Variants in KLHL1 observed in about 807,000 individuals in gnomAD.
The protein encoded by KLHL1 is kelch like family member 1, also known as kelch-like protein 1.
In KLHL1, 47 loss-of-function variants were observed where a neutral mutation model predicts 77.7. That is an observed-to-expected ratio of 0.60 (90% CI 0.48 to 0.77). The LOEUF (loss-of-function observed/expected upper bound fraction) is 0.77, where lower values mean the gene tolerates loss of function less well. Among genes scored for constraint, KLHL1 ranks in the 30% least tolerant of loss-of-function variants. KLHL1 has a pLI of 0.00. For synonymous variants in KLHL1, 360 were observed against 325.2 expected (o/e 1.11, Z -1.15); for missense variants, 925 against 910.8 (o/e 1.02, Z -0.20).
Position 69,701,086 on chromosome 13 carries a change from G to T in KLHL1, c.*616C>A, listed in dbSNP as rs1173475382. 1 of 152,298 alleles carries T rather than the reference G, an allele frequency of 6.6e-6. No homozygotes were observed. The highest frequency in any genetic ancestry group is 2.4e-5 in the African/African-American group (1 of 41,428). The allele number at this position is 152,298 out of a possible 1,614,324, so 9.4% of individuals were successfully genotyped here. A position where few individuals can be genotyped will look rare whatever the true frequency, so the allele number is the denominator to read the frequency against. On this transcript the variant is annotated 3_prime_UTR_variant, in exon 11 of 11. Transcript: ENST00000377844. ...ATAAAATTCAACCATTATCTCTGAT[G>T]AGATATGCAGCTTTGATTAGTAGGA...
chr13:70,045,428 A>T (rs1023436354), intron 1 of KLHL1, among the ~76,000 whole-genome samples: 1 of 152,106 alleles, frequency 6.6e-6, no homozygotes, highest in Non-Finnish European at 1.5e-5. Flanking sequence ...TTATTTCCAC[A>T]TTTATGGAAA....
At chr13:70,004,902 T>G (rs1458611469) in intron 1 of KLHL1, among the ~76,000 whole-genome samples, 1 of 151,412 alleles carries the variant, frequency 6.6e-6, no homozygotes, top group East Asian at 1.9e-4. Flanking sequence ...ATTTTAATAT[T>G]TTGTAGAAAA....
At chr13:69,904,684 A>C (rs1881989929) in intron 4 of KLHL1, among the ~76,000 whole-genome samples, 1 of 152,210 alleles carries the variant, frequency 6.6e-6, no homozygotes. Flanking sequence ...TTAAGTAAAT[A>C]ATACAACTTT....
chr13:69,884,895 T>A (rs997455934), intron 4 of KLHL1, among the ~76,000 whole-genome samples: 3 of 151,644 alleles, frequency 2.0e-5, no homozygotes, highest in African/African-American at 7.3e-5. Flanking sequence ...CAGACAGCTC[T>A]GATAATAGTT....
intron 1 of KLHL1, among the ~76,000 whole-genome samples, chr13:70,043,260 A>T (rs1162038146): frequency 6.6e-6 from 1 of 152,152 alleles, no homozygotes; most frequent in African/African-American, 2.4e-5. Context: ...AAAAATAAAA[A>T]TGAGAAAAGT....
At chr13:69,797,897 A>G (rs905591200) in intron 6 of KLHL1, among the ~76,000 whole-genome samples, 1 of 152,090 alleles carries the variant, frequency 6.6e-6, no homozygotes, top group African/African-American at 2.4e-5. Flanking sequence ...ATCCTGAACA[A>G]TCATGTTAGA....
intron 9 of KLHL1, among the ~76,000 whole-genome samples, chr13:69,713,706 AT>A (rs143419445): frequency 0.086 from 12,996 of 151,394 alleles, 734 homozygotes; most frequent in African/African-American, 0.16. Flanking sequence ...AAATGAGAAT[AT>A]TTTTTTTTCA....
chr13:69,811,575 A>G (rs1458585345), intron 6 of KLHL1, among the ~76,000 whole-genome samples: 2 of 152,160 alleles, frequency 1.3e-5, no homozygotes, highest in Non-Finnish European at 2.9e-5. Flanking sequence ...GAACAAGACA[A>G]GGATGTTCAC....
At chr13:69,816,417 C>T (rs998249615) in intron 6 of KLHL1, among the ~76,000 whole-genome samples, 7 of 151,392 alleles carry the variant, frequency 4.6e-5, no homozygotes, top group African/African-American at 1.5e-4. Flanking sequence ...TGTGCCGCCA[C>T]GCCTGGCTAA....
intron 4 of KLHL1, among the ~76,000 whole-genome samples, chr13:69,926,631 A>T (rs982279078): frequency 7.9e-5 from 12 of 152,126 alleles, no homozygotes; most frequent in African/African-American, 2.9e-4. Context: ...AACCAAAAAT[A>T]GTCAAAATAT....
At chr13:69,759,995 GC>G (rs1874944102) in intron 7 of KLHL1, among the ~76,000 whole-genome samples, 1 of 152,042 alleles carries the variant, frequency 6.6e-6, no homozygotes, top group Non-Finnish European at 1.5e-5. Flanking sequence ...GTGTACATAG[GC>G]AAAAAGACAC....
chr13:70,021,412 C>T (rs1885790385), intron 1 of KLHL1, among the ~76,000 whole-genome samples: 1 of 152,038 alleles, frequency 6.6e-6, no homozygotes, highest in African/African-American at 2.4e-5. Context: ...CATTCACATA[C>T]TGAAGGGCAT....
chr13:69,809,828 C>G (rs1215590511), intron 6 of KLHL1, among the ~76,000 whole-genome samples: 2 of 150,974 alleles, frequency 1.3e-5, no homozygotes, highest in African/African-American at 2.4e-5. Context: ...GTAATGAGAG[C>G]CATAGGTTCA....
chr13:70,051,149 A>C lies in KLHL1; in HGVS notation c.497+56054T>G, dbSNP rs75635812. The stretch of plus-strand genomic sequence containing the variant: ...AGATTACTCTACAAAATATTCATTA[A>C]GAAATGTTTTCACACAAAATTTGGA... On this transcript the variant is annotated intron_variant, in intron 1 of 10. Coordinates refer to ENST00000377844, the MANE Select transcript of KLHL1 (RefSeq NM_020866.3). 6.8e-3 allele frequency among the ~76,000 whole-genome samples: 1,035 copies of C among 152,144 alleles called. 11 individuals carry two copies. Among genetic ancestry groups the C allele is most frequent in the Middle Eastern group, 0.027 (8 of 294 alleles).
intron 1 of KLHL1, among the ~76,000 whole-genome samples, chr13:70,060,435 A>T (rs1220978990): frequency 6.6e-6 from 1 of 152,140 alleles, no homozygotes; most frequent in Non-Finnish European, 1.5e-5. Context: ...AAAGGAAGAA[A>T]ATCAATATTT....
At chr13:70,058,302 GATA>G (rs1886797043) in intron 1 of KLHL1, among the ~76,000 whole-genome samples, 1 of 152,052 alleles carries the variant, frequency 6.6e-6, no homozygotes, top group Non-Finnish European at 1.5e-5. Context: ...CTTGTTTGCA[GATA>G]ATATGATTTT....
chr13:69,823,914 G>T (rs1878442303), intron 6 of KLHL1, among the ~76,000 whole-genome samples: 1 of 151,738 alleles, frequency 6.6e-6, no homozygotes. Flanking sequence ...TTATCCATTT[G>T]GGTATTTATT....
chr13:70,035,762 T>C (rs1456049454), intron 1 of KLHL1, among the ~76,000 whole-genome samples: 3 of 151,982 alleles, frequency 2.0e-5, no homozygotes, highest in Non-Finnish European at 4.4e-5. Context: ...CTTTTCATTT[T>C]GAGAGAATCA....
intron 6 of KLHL1, among the ~76,000 whole-genome samples, chr13:69,811,325 T>C (rs1407043875): frequency 6.6e-6 from 1 of 151,970 alleles, no homozygotes; most frequent in Non-Finnish European, 1.5e-5. Context: ...ATTTAACACA[T>C]GCTTATCAAT....
Sources: gnomAD v4.1 joint callset for allele counts (sites outside exome capture counted in the v4.1 genomes callset) on GRCh38, gnomAD v4.1.1 for gene constraint, MANE v1.5 for transcripts, NCBI Gene and HGNC (gene_info 2026-07-23, HGNC 2026-07-21) for gene names.